Variants in C17orf67 observed in about 807,000 individuals in gnomAD.
C17orf67 encodes chromosome 17 open reading frame 67.
A neutral mutation model predicts 11.2 loss-of-function variants in C17orf67; 12 were observed. The ratio of observed to expected loss-of-function variants is 1.07; its 90% CI spans 0.68 to 1.73. The LOEUF (loss-of-function observed/expected upper bound fraction) is 1.73, where lower values mean the gene tolerates loss of function less well. C17orf67 is among the 40% of genes most tolerant of loss of function. C17orf67 has a pLI of 0.00. For synonymous variants in C17orf67, 59 were observed against 46.9 expected, an observed-to-expected ratio of 1.26 and a Z score of -1.05; for missense variants, 115 against 113.5, an observed-to-expected ratio of 1.01 and a Z score of -0.06.
At chr17:56,820,031 G>T (rs1905860880) in intron 4 of C17orf67, among the ~76,000 whole-genome samples, 1 of 152,202 alleles carries the variant, frequency 6.6e-6, no homozygotes, top group South Asian at 2.1e-4. Context: ...ACTATTGAAG[G>T]CATTCATCAG....
At chr17:56,809,231 CCT>C (rs1399413283) in intron 6 of C17orf67, among the ~76,000 whole-genome samples, 3 of 151,826 alleles carry the variant, frequency 2.0e-5, no homozygotes, top group African/African-American at 7.3e-5. Context: ...GTGTCCTGAA[CCT>C]CTAAAGGGCC....
At chr17:56,827,994 C>G (rs1269237048) in intron 2 of C17orf67, among the ~76,000 whole-genome samples, 3 of 150,556 alleles carry the variant, frequency 2.0e-5, no homozygotes, top group Non-Finnish European at 4.4e-5. Flanking sequence ...ATCGCGAGAT[C>G]AGGAGTTCGA....
chr17:56,808,657 A>C (rs1327172881), intron 6 of C17orf67, among the ~76,000 whole-genome samples: 1 of 152,176 alleles, frequency 6.6e-6, no homozygotes, highest in Non-Finnish European at 1.5e-5. Flanking sequence ...AAGTCAGAAA[A>C]GAACAGCTTG....
chr17:56,795,407 T>C (rs1905194026), intron 6 of C17orf67: 5 of 526,016 alleles, frequency 9.5e-6, no homozygotes, highest in Non-Finnish European at 1.7e-5. Flanking sequence ...AGCGGGTGGA[T>C]TTCCATGAAA....
intron 2 of C17orf67, among the ~76,000 whole-genome samples, chr17:56,831,986 C>T (rs1906217009): frequency 6.6e-6 from 1 of 152,064 alleles, no homozygotes; most frequent in African/African-American, 2.4e-5. Flanking sequence ...TTCGCTCTGT[C>T]GCCCCGGCTG....
chr17:56,815,954 A>G lies in C17orf67; in HGVS notation c.-144T>C. The G allele has an allele frequency of 3.4e-6, 5 of 1,465,286 alleles. No individual in the cohort carries two copies. Among genetic ancestry groups the G allele is most frequent in the East Asian group, 2.4e-5 (1 of 41,558 alleles). 90.8% of individuals were successfully genotyped at this position (1,465,286 alleles called of 1,614,324 possible). A position where few individuals can be genotyped will look rare whatever the true frequency, so the allele number is the denominator to read the frequency against. The stretch of plus-strand genomic sequence containing the variant: ...ATGATGCTGAATGTATCTGACTCTG[A>G]GCGTTTTAGTAATGACCACTGAAAT... On this transcript the variant is annotated 5_prime_UTR_variant, in exon 5 of 8. Coordinates refer to ENST00000397861, the MANE Select transcript of C17orf67 (RefSeq NM_001085430.4).
Position 56,815,992 on chromosome 17 carries a change from A to G in C17orf67, c.-182T>C, listed in dbSNP as rs1020143253. 2.4e-6 allele frequency: 3 copies of G among 1,262,376 alleles called. No individual in the cohort carries two copies. The highest frequency in any genetic ancestry group is 2.9e-5 in the African/African-American group (2 of 67,798). The allele number at this position is 1,262,376 out of a possible 1,614,324, so 78.2% of individuals were successfully genotyped here. ...TGACCACTGAAATATTTTCCTCCGA[A>G]TTCCTGTAAATTTTCATCCTGAGGA... On this transcript the variant is annotated 5_prime_UTR_variant, in exon 5 of 8. Transcript: ENST00000397861.
At chr17:56,810,975 G>A (rs1164332931) in intron 6 of C17orf67, among the ~76,000 whole-genome samples, 2 of 152,240 alleles carry the variant, frequency 1.3e-5, no homozygotes, top group African/African-American at 4.8e-5. Flanking sequence ...GGGTCAAATG[G>A]TAAGTCGAGG....
intron 6 of C17orf67, chr17:56,803,919 C>T (rs1464725745): frequency 2.0e-5 from 3 of 152,138 alleles, no homozygotes; most frequent in Non-Finnish European, 4.4e-5. Flanking sequence ...AATCATTAGT[C>T]AAATCAAAAG....
intron 6 of C17orf67, chr17:56,804,091 G>A (rs1905389091): frequency 6.6e-6 from 1 of 152,152 alleles, no homozygotes; most frequent in African/African-American, 2.4e-5. Flanking sequence ...CCAAGTGGGG[G>A]GGTGTAAATC....
chr17:56,809,898 CACACACCCTT>C (rs1166698873), intron 6 of C17orf67, among the ~76,000 whole-genome samples: 1 of 142,600 alleles, frequency 7.0e-6, no homozygotes, highest in Non-Finnish European at 1.5e-5. Flanking sequence ...ACACCCCTTA[CACACACCCTT>C]ACACACACCC....
chr17:56,796,759 G>A (rs565147491), intron 6 of C17orf67, among the ~76,000 whole-genome samples: 2 of 152,126 alleles, frequency 1.3e-5, no homozygotes, highest in Admixed American at 6.5e-5. Context: ...CAAGGCTGCC[G>A]CAGACTCCTC....
At chr17:56,817,024 A>AT (rs1349477059) in intron 4 of C17orf67, among the ~76,000 whole-genome samples, 7 of 151,788 alleles carry the variant, frequency 4.6e-5, no homozygotes, top group Non-Finnish European at 8.8e-5. Flanking sequence ...TAACTTTTTT[A>AT]TTTTTTTATT....
At chr17:56,830,170 C>T (rs548538529) in intron 2 of C17orf67, among the ~76,000 whole-genome samples, 39 of 151,696 alleles carry the variant, frequency 2.6e-4, no homozygotes, top group African/African-American at 8.5e-4. Flanking sequence ...GGTGAAATCC[C>T]GTCTCCACTA....
intron 6 of C17orf67, among the ~76,000 whole-genome samples, chr17:56,812,129 A>G (rs2144131355): frequency 6.6e-6 from 1 of 152,374 alleles, no homozygotes; most frequent in East Asian, 1.9e-4. Context: ...AATTCAACCA[A>G]TTCTGTGTGT....
At chr17:56,815,723 T>C (rs752789950) in intron 5 of C17orf67, 33 bp downstream of exon 5, 5 of 1,564,542 alleles carry the variant, frequency 3.2e-6, no homozygotes, top group South Asian at 1.2e-5. Flanking sequence ...CATGTCAGCA[T>C]AGAAATAGGC....
intron 6 of C17orf67, among the ~76,000 whole-genome samples, chr17:56,800,233 T>G (rs924665324): frequency 2.6e-4 from 40 of 152,066 alleles, no homozygotes; most frequent in African/African-American, 9.7e-4. Context: ...ACCCGGCTAA[T>G]TTTTTGAATT....
intron 4 of C17orf67, among the ~76,000 whole-genome samples, chr17:56,824,085 G>A (rs1035097773): frequency 6.6e-6 from 1 of 152,224 alleles, no homozygotes; most frequent in African/African-American, 2.4e-5. Context: ...GTGTTGGGAG[G>A]TGGGGCCTTT....
chr17:56,816,977 G>A (rs566453077), intron 4 of C17orf67, among the ~76,000 whole-genome samples: 5 of 151,992 alleles, frequency 3.3e-5, no homozygotes, highest in African/African-American at 4.8e-5. Context: ...AGCCTCCCGA[G>A]TAGCTGGGAC....
Sources: allele counts gnomAD v4.1 joint callset (sites outside exome capture counted in the v4.1 genomes callset), GRCh38; gene constraint gnomAD v4.1.1; transcripts MANE v1.5; gene names NCBI Gene and HGNC (gene_info 2026-07-23, HGNC 2026-07-21).